Variants in ZC3H3 observed in about 807,000 individuals in gnomAD.
ZC3H3 encodes zinc finger CCCH-type containing 3.
ZC3H3 carries 36 observed loss-of-function variants against 77.3 expected under a neutral mutation model. The observed-to-expected ratio is 0.47, with a 90% CI of 0.36 to 0.61. The LOEUF is 0.61. ZC3H3 is among the 20% of genes least tolerant of loss of function. ZC3H3 has a pLI of 0.00. For synonymous variants in ZC3H3, 626 were observed against 555.2 expected (o/e 1.13, Z -1.79); for missense variants, 1,331 against 1,312.2 (o/e 1.01, Z -0.22).
At chr8:143,473,165 G>A (rs907180268) in intron 5 of ZC3H3, among the ~76,000 whole-genome samples, 17 of 152,164 alleles carry the variant, frequency 1.1e-4, no homozygotes, top group Admixed American at 9.8e-4. Context: ...CTGAATGTGG[G>A]TGCAGTGGTG....
At chr8:143,529,225 G>C (rs1822519840) in intron 3 of ZC3H3, among the ~76,000 whole-genome samples, 1 of 152,084 alleles carries the variant, frequency 6.6e-6, no homozygotes, top group Admixed American at 6.5e-5. Flanking sequence ...GAATCCACAG[G>C]CTGCGCTGGT....
intron 5 of ZC3H3, among the ~76,000 whole-genome samples, chr8:143,473,687 A>T (rs1820643413): frequency 6.6e-6 from 1 of 152,174 alleles, no homozygotes; most frequent in African/African-American, 2.4e-5. Context: ...GGAAGGTGGG[A>T]CCACCCGGCA....
intron 9 of ZC3H3, among the ~76,000 whole-genome samples, chr8:143,444,939 T>C (rs888258000): frequency 4.7e-4 from 71 of 152,220 alleles, no homozygotes; most frequent in African/African-American, 1.6e-3. Flanking sequence ...CAAGAGAATT[T>C]ATAAACTAAT....
At chr8:143,477,647 T>C (rs1384259739) in intron 4 of ZC3H3, among the ~76,000 whole-genome samples, 2 of 152,134 alleles carry the variant, frequency 1.3e-5, no homozygotes, top group African/African-American at 4.8e-5. Context: ...GAGAACCCCA[T>C]CAGCCTGGGG....
chr8:143,450,611 G>A (rs1819963469), intron 9 of ZC3H3, among the ~76,000 whole-genome samples: 1 of 152,224 alleles, frequency 6.6e-6, no homozygotes, highest in Non-Finnish European at 1.5e-5. Flanking sequence ...GCAAAGGGGA[G>A]GCGAGGCACT....
intron 9 of ZC3H3, among the ~76,000 whole-genome samples, chr8:143,448,134 AAAAC>A (rs1007389297): frequency 7.2e-5 from 11 of 151,984 alleles, no homozygotes; most frequent in South Asian, 4.1e-4. Flanking sequence ...CTCAAAAAAC[AAAAC>A]AAACAAACAA....
intron 3 of ZC3H3, among the ~76,000 whole-genome samples, chr8:143,522,457 G>C (rs561737957): frequency 6.6e-6 from 1 of 152,238 alleles, no homozygotes; most frequent in Admixed American, 6.5e-5. Context: ...ATAAAAATTA[G>C]CCGGATGTGA....
chr8:143,443,878 T>G (rs1054842648), intron 9 of ZC3H3, among the ~76,000 whole-genome samples: 2 of 151,716 alleles, frequency 1.3e-5, no homozygotes, highest in African/African-American at 4.8e-5. Context: ...ACAAGAAAAA[T>G]AAATCCAAGT....
At chr8:143,478,346 C>T (rs1404035157) in intron 4 of ZC3H3, among the ~76,000 whole-genome samples, 1 of 152,190 alleles carries the variant, frequency 6.6e-6, no homozygotes, top group Non-Finnish European at 1.5e-5. Flanking sequence ...CCACAGCTGG[C>T]CAGGCCCAGG....
intron 9 of ZC3H3, among the ~76,000 whole-genome samples, chr8:143,442,301 C>A (rs1450395811): frequency 7.2e-5 from 11 of 151,978 alleles, no homozygotes; most frequent in Non-Finnish European, 1.2e-4. Flanking sequence ...TCCCTCTACA[C>A]AGCGCCTCGC....
rs534869591 is a variant in ZC3H3, at chr8:143,471,693, A to AT, written c.1904-3035_1904-3034insA. On this transcript the variant is annotated intron_variant, in intron 5 of 11. Coordinates refer to ENST00000262577, the MANE Select transcript of ZC3H3 (RefSeq NM_015117.3). ...TTCAGGGACTGGGGAAGCTGGGGGT[A>AT]GAAGCCATACTGTCCTCTGCCGTCA... Among the ~76,000 whole-genome samples the AT allele has an allele frequency of 9.9e-5, 15 of 152,074 alleles. No homozygotes were observed. The South Asian group carries it at 3.1e-3, about 32-fold the overall frequency.
chr8:143,541,108 GC>G (rs1240477307), intron 1 of ZC3H3, among the ~76,000 whole-genome samples: 2 of 152,148 alleles, frequency 1.3e-5, no homozygotes, highest in African/African-American at 2.4e-5. Context: ...GAGGGCCGCC[GC>G]CCCCCGCGGG....
intron 4 of ZC3H3, among the ~76,000 whole-genome samples, chr8:143,507,314 G>A (rs1050192282): frequency 3.3e-5 from 5 of 152,348 alleles, no homozygotes; most frequent in African/African-American, 9.6e-5. Context: ...TCACATCACC[G>A]CCTTGACAAT....
At chr8:143,482,685 TG>T (rs1346997311) in intron 4 of ZC3H3, among the ~76,000 whole-genome samples, 1 of 152,044 alleles carries the variant, frequency 6.6e-6, no homozygotes, top group Admixed American at 6.5e-5. Context: ...GAGGGAGGCA[TG>T]GTCAGAACAC....
intron 9 of ZC3H3, among the ~76,000 whole-genome samples, chr8:143,453,210 T>C (rs1820031336): frequency 6.6e-6 from 1 of 152,176 alleles, no homozygotes; most frequent in African/African-American, 2.4e-5. Flanking sequence ...CCTGAGTAGC[T>C]GGGACCACAG....
chr8:143,438,105 AAGTT>A lies in ZC3H3; in HGVS notation c.2816-22_2816-19del. The A allele has an allele frequency of 6.2e-7, 1 of 1,606,238 alleles. No homozygotes were observed. Among genetic ancestry groups the A allele is most frequent in the Non-Finnish European group, 8.5e-7 (1 of 1,176,644 alleles). ...AGGCTTCCCTATGCAAAGAGGGCAA[AAGTT>A]AGGTGCCCGGAAACCCCTGGAAGAA... On this transcript the variant is annotated intron_variant, in intron 11 of 11. Coordinates refer to ENST00000262577, the MANE Select transcript of ZC3H3 (RefSeq NM_015117.3).
At chr8:143,496,463 A>C (rs1212794303) in intron 4 of ZC3H3, among the ~76,000 whole-genome samples, 2 of 152,244 alleles carry the variant, frequency 1.3e-5, no homozygotes, top group Non-Finnish European at 2.9e-5. Flanking sequence ...GCCAGCCTCA[A>C]GCGGCTTCCA....
chr8:143,450,862 C>T (rs895419084), intron 9 of ZC3H3, among the ~76,000 whole-genome samples: 4 of 152,186 alleles, frequency 2.6e-5, no homozygotes, highest in African/African-American at 9.7e-5. Flanking sequence ...GGTCAAAGCA[C>T]ATCACACTGC....
Position 143,466,188 on chromosome 8 carries a change from C to CAACCACT in ZC3H3, c.2176-347_2176-341dup, listed in dbSNP as rs200567002. On this transcript the variant is annotated intron_variant, in intron 8 of 11. Coordinates refer to ENST00000262577, the MANE Select transcript of ZC3H3 (RefSeq NM_015117.3). ...AGGGCAAGATGGCAGCCAGGGCTCC[C>CAACCACT]AACCACTAGCCTGTGGCCAGGGCTG... is the stretch of plus-strand genomic sequence containing the variant. Among the ~76,000 whole-genome samples, 333 of 152,326 alleles carry CAACCACT rather than the reference C, an allele frequency of 2.2e-3. 3 individuals carry two copies. The highest frequency in any genetic ancestry group is 7.6e-3 in the African/African-American group (314 of 41,574).
Sources: allele counts gnomAD v4.1 joint callset (sites outside exome capture counted in the v4.1 genomes callset), GRCh38; gene constraint gnomAD v4.1.1; transcripts MANE v1.5; gene names NCBI Gene and HGNC (gene_info 2026-07-23, HGNC 2026-07-21).